Variants in GRM5 observed in about 807,000 individuals in gnomAD.
GRM5 encodes glutamate metabotropic receptor 5.
GRM5 carries 19 observed loss-of-function variants against 83.1 expected under a neutral mutation model. The ratio of observed to expected loss-of-function variants is 0.23; its 90% CI spans 0.16 to 0.34. The LOEUF (loss-of-function observed/expected upper bound fraction) is 0.34, where lower values mean the gene tolerates loss of function less well. Ranked by LOEUF, GRM5 falls within the 10% of genes least tolerant of loss-of-function variation. The probability of loss-of-function intolerance (pLI) is 1.00; values close to 1 mark genes in which losing one functional copy is unlikely to be tolerated. For missense variants in GRM5, 1,160 were observed against 1,588.3 expected (o/e 0.73, Z 4.58); for synonymous variants, 675 against 633.6 (o/e 1.07, Z -0.98).
At chr11:88,854,883 A>G (rs1432230662) in intron 2 of GRM5, among the ~76,000 whole-genome samples, 1 of 152,020 alleles carries the variant, frequency 6.6e-6, no homozygotes, top group African/African-American at 2.4e-5. Flanking sequence ...ATCATACTTT[A>G]GTAAGTAATT....
Position 88,951,586 on chromosome 11 carries a change from A to G in GRM5, c.661+95626T>C, listed in dbSNP as rs956157768. Reference sequence around the variant, plus strand: ...CAGTTCAATAGAGAAAGAGCATAGTATGGTAGACACAGTGTGAGTTTTCGT... The same window carrying G: ...CAGTTCAATAGAGAAAGAGCATAGTGTGGTAGACACAGTGTGAGTTTTCGT... On this transcript the variant is annotated intron_variant, in intron 2 of 9. Transcript: ENST00000305447. Among the ~76,000 whole-genome samples, 46 of 152,236 alleles carry G rather than the reference A, an allele frequency of 3.0e-4. 1 individual carries two copies.
intron 4 of GRM5, among the ~76,000 whole-genome samples, chr11:88,621,443 C>A (rs1308842909): frequency 6.6e-6 from 1 of 152,072 alleles, no homozygotes; most frequent in Non-Finnish European, 1.5e-5. Context: ...TTTTTCAGGG[C>A]TCCCTCACTT....
At chr11:89,046,073 T>A (rs544664568) in intron 2 of GRM5, among the ~76,000 whole-genome samples, 1 of 152,156 alleles carries the variant, frequency 6.6e-6, no homozygotes, top group Non-Finnish European at 1.5e-5. Context: ...GCATGCCTCA[T>A]CTCCTTTGCC....
At chr11:88,633,093 T>C (rs1939022654) in intron 4 of GRM5, among the ~76,000 whole-genome samples, 1 of 152,166 alleles carries the variant, frequency 6.6e-6, no homozygotes, top group Non-Finnish European at 1.5e-5. Flanking sequence ...TCAATATCAG[T>C]AATCATTAGG....
At chr11:88,891,429 T>A (rs1161809560) in intron 2 of GRM5, among the ~76,000 whole-genome samples, 1 of 152,098 alleles carries the variant, frequency 6.6e-6, no homozygotes, top group Non-Finnish European at 1.5e-5. Context: ...TCTTTCCTGA[T>A]GCGTGGCTTT....
At chr11:89,011,645 T>A (rs1246954176) in intron 2 of GRM5, among the ~76,000 whole-genome samples, 1 of 152,170 alleles carries the variant, frequency 6.6e-6, no homozygotes, top group African/African-American at 2.4e-5. Flanking sequence ...GAAACTGAGA[T>A]GATATACTTG....
chr11:88,667,913 A>C (rs1172554072), intron 3 of GRM5, among the ~76,000 whole-genome samples: 1 of 152,036 alleles, frequency 6.6e-6, no homozygotes, highest in Non-Finnish European at 1.5e-5. Context: ...AAAAAGAAAA[A>C]AAATGTTAAA....
At chr11:88,739,083 G>C (rs1381188697) in intron 3 of GRM5, among the ~76,000 whole-genome samples, 1 of 151,954 alleles carries the variant, frequency 6.6e-6, no homozygotes, top group Non-Finnish European at 1.5e-5. Flanking sequence ...ACATAGCATT[G>C]TTTACATTGT....
rs1393262708 is a variant in GRM5 at position 88,567,043 on chromosome 11, C to T, written c.2630+10G>A. 1 of 1,566,968 alleles carries T rather than the reference C, an allele frequency of 6.4e-7. No individual in the cohort carries two copies. The highest frequency in any genetic ancestry group is 1.4e-5 in the African/African-American group (1 of 73,596). Reference sequence around the variant, plus strand: ...GGGCCAGCATCCCTGTAAGCCCCCACAACTTTTACCTTAAGGTTTCCCCAG... The same window carrying T: ...GGGCCAGCATCCCTGTAAGCCCCCATAACTTTTACCTTAAGGTTTCCCCAG... On this transcript the variant is annotated intron_variant, in intron 8 of 9. Coordinates refer to ENST00000305447, the MANE Select transcript of GRM5 (RefSeq NM_001143831.3). The surrounding 1 kb of genome is among the most constrained non-coding windows in gnomAD (Gnocchi z 7.3).
At chr11:89,045,447 A>T (rs1444416917) in intron 2 of GRM5, among the ~76,000 whole-genome samples, 2 of 152,194 alleles carry the variant, frequency 1.3e-5, no homozygotes, top group African/African-American at 4.8e-5. Context: ...GAAAAAATAA[A>T]ATGTTATATA....
chr11:88,649,425 T>C (rs903417134), intron 4 of GRM5, among the ~76,000 whole-genome samples: 3 of 143,756 alleles, frequency 2.1e-5, no homozygotes, highest in African/African-American at 7.6e-5. Context: ...TTATATATTA[T>C]ATATGACATT....
chr11:88,749,908 G>A (rs531235355), intron 3 of GRM5, among the ~76,000 whole-genome samples: 1 of 152,158 alleles, frequency 6.6e-6, no homozygotes, highest in African/African-American at 2.4e-5. Context: ...TTCACCATGA[G>A]GCCTGCCTTG....
chr11:88,677,502 T>A (rs1271113006), intron 3 of GRM5, among the ~76,000 whole-genome samples: 10 of 152,140 alleles, frequency 6.6e-5, no homozygotes, highest in Non-Finnish European at 7.3e-5. Context: ...GGCTGGTGAT[T>A]GCTACAGTGA....
intron 2 of GRM5, among the ~76,000 whole-genome samples, chr11:88,973,051 G>T (rs2154982): frequency 6.6e-6 from 1 of 152,102 alleles, no homozygotes; most frequent in Non-Finnish European, 1.5e-5. Flanking sequence ...CAGATTGAAA[G>T]GTATTAAAGA....
chr11:88,520,122 A>G (rs990985022), intron 9 of GRM5, among the ~76,000 whole-genome samples: 3 of 152,192 alleles, frequency 2.0e-5, no homozygotes, highest in Non-Finnish European at 2.9e-5. Context: ...AAAAAAAATT[A>G]TACCTTCTTT....
intron 4 of GRM5, among the ~76,000 whole-genome samples, chr11:88,615,532 C>T (rs1047302823): frequency 2.0e-5 from 3 of 151,794 alleles, no homozygotes; most frequent in African/African-American, 7.3e-5. Flanking sequence ...TCACCTTCTT[C>T]AGGTAGCTGA....
intron 2 of GRM5, among the ~76,000 whole-genome samples, chr11:88,911,430 A>G (rs578081047): frequency 1.6e-4 from 24 of 152,306 alleles, no homozygotes; most frequent in Non-Finnish European, 3.1e-4. Flanking sequence ...AATTTAACAA[A>G]TTAAAACAAA....
intron 2 of GRM5, among the ~76,000 whole-genome samples, chr11:88,962,115 T>C (rs1415696995): frequency 5.3e-5 from 8 of 152,222 alleles, no homozygotes; most frequent in African/African-American, 1.9e-4. Context: ...GGCAGAGGTA[T>C]GATAAAAATC....
Position 89,047,659 on chromosome 11 carries a change from T to A in GRM5, c.214A>T (p.Met72Leu). 6.2e-7 allele frequency: 1 copy of A among 1,614,092 alleles called. No individual in the cohort carries two copies. Among genetic ancestry groups the A allele is most frequent in the Non-Finnish European group, 8.5e-7 (1 of 1,179,946 alleles). The change falls in exon 2 of 10, where the codon ATG (methionine) becomes TTG (leucine). Residue 72 changes from methionine to leucine, a missense_variant. Coordinates refer to ENST00000305447, the MANE Select transcript of GRM5 (RefSeq NM_001143831.3). This position sits in a 1 kb window ranked among gnomAD's most constrained non-coding sequence, Gnocchi z 5.1. ...EQYGIQRVEA[M>L]LHTLERINSD... ...TTGATCCTTTCCAGGGTATGCAGCA[T>A]GGCCTCCACTCTCTGAATGCCATAC... is the stretch of plus-strand genomic sequence containing the variant.
Sources: allele counts gnomAD v4.1 joint callset (sites outside exome capture counted in the v4.1 genomes callset), GRCh38; gene constraint gnomAD v4.1.1; non-coding constraint Gnocchi (gnomAD v3.1); transcripts MANE v1.5; gene names NCBI Gene and HGNC (gene_info 2026-07-23, HGNC 2026-07-21).